CDH13: variants seen among roughly 807,000 people sequenced by gnomAD.
CDH13 encodes cadherin 13.
In CDH13, 24 loss-of-function variants were observed where a neutral mutation model predicts 63.8. The ratio of observed to expected loss-of-function variants is 0.38; its 90% confidence interval spans 0.27 to 0.53. The LOEUF is 0.53. Ranked by LOEUF, CDH13 falls within the 20% of genes least tolerant of loss-of-function variation. The pLI is 0.85. For synonymous variants in CDH13, 503 were observed against 355.3 expected (o/e 1.42, Z -4.67); for missense variants, 1,049 against 903.1 (o/e 1.16, Z -2.07).
At chr16:83,192,791 G>A (rs1181182627) in intron 4 of CDH13, among the ~76,000 whole-genome samples, 1 of 152,102 alleles carries the variant, frequency 6.6e-6, no homozygotes, top group African/African-American at 2.4e-5. Flanking sequence ...CCAGGCCACT[G>A]TTGCCCAACA....
intron 2 of CDH13, among the ~76,000 whole-genome samples, chr16:82,893,070 C>T (rs543633731): frequency 6.6e-6 from 1 of 152,324 alleles, no homozygotes; most frequent in Admixed American, 6.5e-5. Context: ...ACATCAAAGT[C>T]CCTGTAATTC....
chr16:83,743,475 A>G (rs1298944456), intron 10 of CDH13, among the ~76,000 whole-genome samples: 1 of 152,218 alleles, frequency 6.6e-6, no homozygotes, highest in Non-Finnish European at 1.5e-5. Flanking sequence ...ACAAGAAACA[A>G]GCAAACATGC....
intron 2 of CDH13, among the ~76,000 whole-genome samples, chr16:83,029,579 T>C (rs1333367886): frequency 6.6e-6 from 1 of 152,298 alleles, no homozygotes; most frequent in East Asian, 1.9e-4. Context: ...ACATGATGAA[T>C]CTCGTGGCAT....
intron 1 of CDH13, among the ~76,000 whole-genome samples, chr16:82,752,571 C>G (rs1454679985): frequency 6.6e-6 from 1 of 152,182 alleles, no homozygotes; most frequent in Non-Finnish European, 1.5e-5. Context: ...TTGAAAATGT[C>G]CAATTCTCAG....
chr16:82,803,902 C>G (rs2037003725), intron 1 of CDH13, among the ~76,000 whole-genome samples: 1 of 152,124 alleles, frequency 6.6e-6, no homozygotes, highest in Non-Finnish European at 1.5e-5. Flanking sequence ...CAACTTAGTG[C>G]TTTTAGGTAA....
At chr16:83,275,268 A>G (rs1250097285) in intron 5 of CDH13, among the ~76,000 whole-genome samples, 2 of 146,956 alleles carry the variant, frequency 1.4e-5, no homozygotes, top group East Asian at 2.0e-4. Flanking sequence ...CTTTTTTGCT[A>G]TTTTTCTTTT....
At chr16:83,314,525 A>G (rs1255006738) in intron 5 of CDH13, among the ~76,000 whole-genome samples, 4 of 152,176 alleles carry the variant, frequency 2.6e-5, no homozygotes, top group South Asian at 2.1e-4. Context: ...CATCATGGAA[A>G]GACTATTCCC....
At chr16:83,432,182 G>T (rs2072137840) in intron 6 of CDH13, among the ~76,000 whole-genome samples, 1 of 152,154 alleles carries the variant, frequency 6.6e-6, no homozygotes, top group African/African-American at 2.4e-5. Context: ...GATTCCCTGT[G>T]ACGTGGGAAT....
At chr16:83,099,070 G>A (rs945392172) in intron 3 of CDH13, among the ~76,000 whole-genome samples, 5 of 151,774 alleles carry the variant, frequency 3.3e-5, no homozygotes, top group Non-Finnish European at 5.9e-5. Flanking sequence ...ACATATATAT[G>A]CACATACACA....
intron 1 of CDH13, among the ~76,000 whole-genome samples, chr16:82,855,457 G>A (rs770780368): frequency 3.3e-5 from 5 of 152,206 alleles, no homozygotes; most frequent in Admixed American, 6.5e-5. Context: ...GAAGGTTAAC[G>A]CATAATTGTA....
At chr16:82,893,544 C>T (rs2041152045) in intron 2 of CDH13, among the ~76,000 whole-genome samples, 1 of 152,168 alleles carries the variant, frequency 6.6e-6, no homozygotes. Flanking sequence ...CACTCATTTC[C>T]AAAGTGATGA....
At chr16:83,148,421 TAGG>T (rs781083312) in intron 4 of CDH13, among the ~76,000 whole-genome samples, 5 of 152,290 alleles carry the variant, frequency 3.3e-5, no homozygotes, top group African/African-American at 9.6e-5. Flanking sequence ...AAGACGGCAG[TAGG>T]AGAAGTGGAT....
intron 4 of CDH13, among the ~76,000 whole-genome samples, chr16:83,169,587 G>T (rs56134451): frequency 0.26 from 38,758 of 151,306 alleles, 5,113 homozygotes; most frequent in Middle Eastern, 0.3. Context: ...CCATGTCTTG[G>T]GAAGCAGCTG....
chr16:83,104,873 A>T (rs2034687786), intron 3 of CDH13, among the ~76,000 whole-genome samples: 1 of 152,194 alleles, frequency 6.6e-6, no homozygotes. Context: ...TGAAAAATGG[A>T]CCAAATCGAT....
intron 1 of CDH13, among the ~76,000 whole-genome samples, chr16:82,728,678 G>T (rs552505796): frequency 6.6e-6 from 1 of 152,156 alleles, no homozygotes; most frequent in Non-Finnish European, 1.5e-5. Context: ...GGTGGGGGTT[G>T]CTGAAGGCTA....
intron 5 of CDH13, among the ~76,000 whole-genome samples, chr16:83,271,897 T>C (rs1338964147): frequency 6.6e-6 from 1 of 152,234 alleles, no homozygotes; most frequent in Non-Finnish European, 1.5e-5. Flanking sequence ...GATTAATCTC[T>C]TCAAACCTAA....
intron 10 of CDH13, among the ~76,000 whole-genome samples, chr16:83,696,724 G>T (rs1796007618): frequency 6.6e-6 from 1 of 152,170 alleles, no homozygotes; most frequent in Non-Finnish European, 1.5e-5. Context: ...CGCAGTTCTT[G>T]CAACTGCACT....
chr16:82,858,143 A>G (rs1304553728), intron 1 of CDH13, among the ~76,000 whole-genome samples: 1 of 152,236 alleles, frequency 6.6e-6, no homozygotes, highest in South Asian at 2.1e-4. Context: ...TTTAACTGCA[A>G]TTTAATGGAA....
At chr16:83,685,480 C>T (rs1904297807) in intron 10 of CDH13, among the ~76,000 whole-genome samples, 1 of 152,144 alleles carries the variant, frequency 6.6e-6, no homozygotes, top group Admixed American at 6.5e-5. Context: ...GCAATTCATT[C>T]ATTCATGCCA....
Sources: gnomAD v4.1 joint callset for allele counts (sites outside exome capture counted in the v4.1 genomes callset) on GRCh38, gnomAD v4.1.1 for gene constraint, MANE v1.5 for transcripts, NCBI Gene and HGNC (gene_info 2026-07-23, HGNC 2026-07-21) for gene names.